SLC38A9: variants seen among roughly 807,000 people sequenced by gnomAD.
SLC38A9 encodes neutral amino acid transporter 9.
SLC38A9 carries 48 observed loss-of-function variants against 62.3 expected under a neutral mutation model. The observed-to-expected ratio is 0.77, with a 90% confidence interval of 0.61 to 0.98. The LOEUF (loss-of-function observed/expected upper bound fraction) is 0.98. Ranked by LOEUF, SLC38A9 falls within the 50% of genes least tolerant of loss-of-function variation. The pLI, the probability that SLC38A9 is intolerant of heterozygous loss-of-function variation, is 0.00. For synonymous variants in SLC38A9, 204 were observed against 227.7 expected (o/e 0.90, Z 0.94); for missense variants, 541 against 679.8 (o/e 0.80, Z 2.27).
At chr5:55,632,049 CA>C (rs1331462170) in intron 14 of SLC38A9, among the ~76,000 whole-genome samples, 1 of 151,990 alleles carries the variant, frequency 6.6e-6, no homozygotes, top group Non-Finnish European at 1.5e-5. Flanking sequence ...AAGAGGTTAA[CA>C]ATTATAGCAG....
intron 12 of SLC38A9, among the ~76,000 whole-genome samples, chr5:55,641,571 C>T (rs1430795696): frequency 1.3e-5 from 2 of 152,204 alleles, no homozygotes; most frequent in Non-Finnish European, 2.9e-5. Flanking sequence ...TCTTTTATAA[C>T]TCTCTATATA....
intron 2 of SLC38A9, among the ~76,000 whole-genome samples, chr5:55,706,874 G>A (rs1323199179): frequency 6.6e-6 from 1 of 151,324 alleles, no homozygotes; most frequent in Non-Finnish European, 1.5e-5. Flanking sequence ...TGTAGATGGT[G>A]CAAGTTTTGT....
rs377099563 is a variant in SLC38A9 at position 55,635,497 on chromosome 5, A to G, written c.1281+47T>C. ...CTGTATCACCCTACCTACTATAAAT[A>G]CATGAAAGTGTACACAATCACACAG... On this transcript the variant is annotated intron_variant, in intron 13 of 15. Transcript: ENST00000396865. 1.6e-3 allele frequency: 2,215 copies of G among 1,343,290 alleles called. 3 individuals are homozygous for G. The highest frequency in any genetic ancestry group is 2.0e-3 in the Non-Finnish European group (1,887 of 934,638). 83.2% of individuals were successfully genotyped at this position (1,343,290 alleles called of 1,614,324 possible).
intron 3 of SLC38A9, among the ~76,000 whole-genome samples, chr5:55,689,396 G>C (rs1046915738): frequency 1.4e-4 from 22 of 152,178 alleles, no homozygotes; most frequent in African/African-American, 4.6e-4. Flanking sequence ...CCTATAGTCA[G>C]CCACTGAGCT....
At chr5:55,654,987 G>A (rs1039054355) in intron 9 of SLC38A9, among the ~76,000 whole-genome samples, 19 of 152,148 alleles carry the variant, frequency 1.2e-4, no homozygotes, top group African/African-American at 4.1e-4. Context: ...ACAGGTGCAC[G>A]CCACTATGGC....
At chr5:55,654,809 GCATTCAATAAATGTTAA>G (rs1407410286) in intron 9 of SLC38A9, among the ~76,000 whole-genome samples, 1 of 152,026 alleles carries the variant, frequency 6.6e-6, no homozygotes, top group Non-Finnish European at 1.5e-5. Context: ...CTGCACACAG[GCATTCAATAAATGTTAA>G]CATTCAATAA....
At chr5:55,654,505 G>A (rs1273435100) in intron 9 of SLC38A9, among the ~76,000 whole-genome samples, 1 of 152,008 alleles carries the variant, frequency 6.6e-6, no homozygotes, top group Non-Finnish European at 1.5e-5. Flanking sequence ...CTCGGGAGGT[G>A]GAGGTGGGAG....
At chr5:55,667,674 G>A (rs1750695879) in intron 7 of SLC38A9, among the ~76,000 whole-genome samples, 2 of 151,518 alleles carry the variant, frequency 1.3e-5, no homozygotes, top group South Asian at 4.2e-4. Flanking sequence ...TTGTGTTAGG[G>A]GTGTGTGGAC....
At chr5:55,681,105 C>G (rs779260963) in intron 3 of SLC38A9, among the ~76,000 whole-genome samples, 15 of 152,190 alleles carry the variant, frequency 9.9e-5, no homozygotes, top group Non-Finnish European at 1.6e-4. Flanking sequence ...TAAGTTGGCA[C>G]AATCTTTCTA....
chr5:55,639,116 A>T (rs1431336242), intron 12 of SLC38A9, among the ~76,000 whole-genome samples: 3 of 152,064 alleles, frequency 2.0e-5, no homozygotes, highest in African/African-American at 7.2e-5. Context: ...TCTACTAAAA[A>T]TACAAAAGTA....
chr5:55,650,511 T>A (rs1298069713), intron 10 of SLC38A9, among the ~76,000 whole-genome samples: 2 of 152,192 alleles, frequency 1.3e-5, no homozygotes, highest in African/African-American at 4.8e-5. Flanking sequence ...TATATTCTTT[T>A]AAAAGATCTG....
intron 9 of SLC38A9, among the ~76,000 whole-genome samples, chr5:55,654,974 A>G (rs975741726): frequency 2.6e-5 from 4 of 152,190 alleles, no homozygotes; most frequent in Middle Eastern, 3.4e-3. Context: ...AGTAGCTCGG[A>G]CTACAGGTGC....
At chr5:55,671,423 C>T (rs1210949594) in intron 4 of SLC38A9, among the ~76,000 whole-genome samples, 1 of 151,716 alleles carries the variant, frequency 6.6e-6, no homozygotes, top group Non-Finnish European at 1.5e-5. Flanking sequence ...GGCTCTTTGA[C>T]TCCTGGTTTT....
intron 11 of SLC38A9, among the ~76,000 whole-genome samples, chr5:55,647,151 A>G (rs1746507927): frequency 1.3e-5 from 2 of 150,078 alleles, no homozygotes. Flanking sequence ...TGGTTATGTC[A>G]GGTTATGCAA....
intron 12 of SLC38A9, among the ~76,000 whole-genome samples, chr5:55,644,585 C>T (rs1027902261): frequency 1.3e-5 from 2 of 151,990 alleles, no homozygotes; most frequent in African/African-American, 4.8e-5. Context: ...CCATACCCGA[C>T]TAATTTTTGT....
At chr5:55,630,236 A>G (rs1176585661) in intron 14 of SLC38A9, among the ~76,000 whole-genome samples, 1 of 152,234 alleles carries the variant, frequency 6.6e-6, no homozygotes, top group Non-Finnish European at 1.5e-5. Flanking sequence ...GGAATGCAGA[A>G]GTAGAGAGGA....
chr5:55,644,869 C>G (rs559339016), intron 12 of SLC38A9, among the ~76,000 whole-genome samples: 1 of 151,486 alleles, frequency 6.6e-6, no homozygotes, highest in African/African-American at 2.4e-5. Flanking sequence ...CCTCCCCACT[C>G]CCCCCACCCC....
chr5:55,666,129 A>G (rs1750427897), intron 7 of SLC38A9, among the ~76,000 whole-genome samples: 1 of 152,218 alleles, frequency 6.6e-6, no homozygotes, highest in South Asian at 2.1e-4. Flanking sequence ...CATAACATGT[A>G]CTAAAAAATA....
chr5:55,633,199 G>A (rs563286795), intron 14 of SLC38A9, among the ~76,000 whole-genome samples: 2 of 152,156 alleles, frequency 1.3e-5, no homozygotes, highest in South Asian at 4.2e-4. Flanking sequence ...TAGAGATGGA[G>A]TTTCAGTATG....
Sources: allele counts gnomAD v4.1 joint callset (sites outside exome capture counted in the v4.1 genomes callset), GRCh38; gene constraint gnomAD v4.1.1; transcripts MANE v1.5; gene names NCBI Gene and HGNC (gene_info 2026-07-23, HGNC 2026-07-21).